Variants in DSG4 observed in about 807,000 individuals in gnomAD.
DSG4 encodes desmoglein 4.
A neutral mutation model predicts 93.1 loss-of-function variants in DSG4; 87 were observed. The observed-to-expected ratio is 0.93, with a 90% confidence interval of 0.79 to 1.12. DSG4 has a LOEUF of 1.12. Among genes scored for constraint, DSG4 ranks in the 50% most tolerant of loss-of-function variants. The pLI, the probability that DSG4 is intolerant of heterozygous loss-of-function variation, is 0.00. For missense variants in DSG4, 1,373 were observed against 1,285.7 expected, an observed-to-expected ratio of 1.07 and a Z score of -1.04; for synonymous variants, 432 against 452.9, an observed-to-expected ratio of 0.95 and a Z score of 0.59.
chr18:31,389,089 T>C, intron 5 of DSG4, 71 bp downstream of exon 5: 1 of 1,553,678 alleles, frequency 6.4e-7, no homozygotes, highest in Non-Finnish European at 8.9e-7. Context: ...TTTAGAGGAC[T>C]GACATACAGG....
intron 5 of DSG4, 124 bp downstream of exon 5, chr18:31,389,142 A>T (rs1056218875): frequency 9.6e-7 from 1 of 1,044,306 alleles, no homozygotes; most frequent in Non-Finnish European, 1.4e-6. Context: ...TTTTGAATAA[A>T]CCCCACATAT....
In DSG4 at chr18:31,403,148, G is replaced by T. The variant is rs115244022; in HGVS notation, c.1418-268G>T. On this transcript the variant is annotated intron_variant, in intron 10 of 15. Transcript: ENST00000308128. ...GAATTAGCAAAATGAAATGAGGGTG[G>T]AAAACATTTTAGGAAGGGTGAAAAG... is the stretch of plus-strand genomic sequence containing the variant. Among the ~76,000 whole-genome samples, 828 of 152,190 alleles carry T rather than the reference G, an allele frequency of 5.4e-3. 4 individuals are homozygous for T. Among genetic ancestry groups the T allele is most frequent in the African/African-American group, 0.019 (789 of 41,530 alleles).
intron 8 of DSG4, among the ~76,000 whole-genome samples, chr18:31,395,832 C>A (rs2072299351): frequency 6.6e-6 from 1 of 152,064 alleles, no homozygotes. Context: ...GAAACCAAGT[C>A]TCTAGCGAAA....
intron 8 of DSG4, among the ~76,000 whole-genome samples, 177 bp from the exon 9 acceptor site, chr18:31,399,095 G>A (rs1319547924): frequency 6.6e-6 from 1 of 152,016 alleles, no homozygotes; most frequent in Non-Finnish European, 1.5e-5. Flanking sequence ...AAGATGAACA[G>A]AAAAACATAT....
At position 31,413,273 on chromosome 18, in the gene DSG4, T is replaced by C. The variant is rs2072517805; in HGVS notation, c.2801T>C (p.Val934Ala). The change falls in exon 16 of 16, where the codon GTA (valine) becomes GCA (alanine). Residue 934 changes from valine (V) to alanine (A), a missense_variant. Transcript: ENST00000308128. Reference sequence around the variant, plus strand: ...GATCCTCAGCTTGCACCCAATGTTGTAGTAACCGAAGCAGTAATGGCACCT... The same window carrying C: ...GATCCTCAGCTTGCACCCAATGTTGCAGTAACCGAAGCAGTAATGGCACCT... ...IFDPQLAPNVVVTEAVMAPVY... is the reference protein window; with the variant it reads ...IFDPQLAPNVAVTEAVMAPVY... The C allele has an allele frequency of 6.2e-7, 1 of 1,614,106 alleles. No individual in the cohort carries two copies. Among genetic ancestry groups the C allele is most frequent in the East Asian group, 2.2e-5 (1 of 44,868 alleles).
At chr18:31,409,193 G>A (rs2072458321) in intron 12 of DSG4, among the ~76,000 whole-genome samples, 1 of 152,108 alleles carries the variant, frequency 6.6e-6, no homozygotes, top group African/African-American at 2.4e-5. Flanking sequence ...TTCCTAATCT[G>A]TCAGCAAAGA....
intron 8 of DSG4, among the ~76,000 whole-genome samples, chr18:31,395,028 G>A (rs188050437): frequency 1.3e-5 from 2 of 152,110 alleles, no homozygotes; most frequent in East Asian, 3.9e-4. Flanking sequence ...CCCAGCACCT[G>A]GTCCAGTGTC....
intron 9 of DSG4, among the ~76,000 whole-genome samples, chr18:31,399,850 C>T (rs2072346115): frequency 6.6e-6 from 1 of 152,078 alleles, no homozygotes. Flanking sequence ...CTACCCTGGA[C>T]CGGGGCTGAT....
intron 1 of DSG4, among the ~76,000 whole-genome samples, chr18:31,383,835 G>C (rs577976784): frequency 6.6e-6 from 1 of 152,250 alleles, no homozygotes; most frequent in African/African-American, 2.4e-5. Context: ...TCAATATTGA[G>C]AAAGAGAGTT....
In DSG4 at chr18:31,413,783, T is replaced by A. The variant is rs184009584; in HGVS notation, c.*188T>A. On this transcript the variant is annotated 3_prime_UTR_variant, in exon 16 of 16. Coordinates refer to ENST00000308128, the MANE Select transcript of DSG4 (RefSeq NM_177986.5). ...GCTAGGCACTTTAGATAAGCCTTTT[T>A]AAAATTCTTTCTGATTTTAAATAAT... The A allele has an allele frequency of 8.4e-4, 618 of 733,530 alleles. 1 individual carries two copies. In the African/African-American group the frequency reaches 0.01, roughly 12 times the overall value. The allele number at this position is 733,530 out of a possible 1,614,324, so 45.4% of individuals were successfully genotyped here.
intron 1 of DSG4, among the ~76,000 whole-genome samples, chr18:31,381,196 C>T (rs1420417082): frequency 1.3e-5 from 2 of 152,146 alleles, no homozygotes; most frequent in African/African-American, 2.4e-5. Context: ...TGTTGATGAG[C>T]AACTTTAACA....
intron 11 of DSG4, among the ~76,000 whole-genome samples, chr18:31,404,194 T>C (rs1242927947): frequency 6.6e-6 from 1 of 152,184 alleles, no homozygotes; most frequent in African/African-American, 2.4e-5. Context: ...GTACATATTA[T>C]TAAGATGTGT....
chr18:31,404,368 T>G (rs991097960), intron 11 of DSG4, among the ~76,000 whole-genome samples: 1 of 152,224 alleles, frequency 6.6e-6, no homozygotes, highest in Non-Finnish European at 1.5e-5. Context: ...AAATTAAGAA[T>G]AAATTTCAGA....
intron 1 of DSG4, among the ~76,000 whole-genome samples, chr18:31,383,682 G>A (rs2072159065): frequency 6.6e-6 from 1 of 152,090 alleles, no homozygotes; most frequent in Non-Finnish European, 1.5e-5. Context: ...ACCTGAACTT[G>A]AGGTATCAAG....
chr18:31,412,804 T>C, intron 15 of DSG4, 24 bp from the exon 16 acceptor site: 1 of 1,613,512 alleles, frequency 6.2e-7, no homozygotes, highest in Non-Finnish European at 8.5e-7. Flanking sequence ...AAATTTCTAA[T>C]TCTGTATTTC....
rs763293506 is a variant in DSG4, at chr18:31,390,786, A to G, written c.648A>G (p.Gly216=). The change falls in exon 6 of 16, where the codon GGA becomes GGG. Residue 216 remains glycine (G), a synonymous_variant. Coordinates refer to ENST00000308128, the MANE Select transcript of DSG4 (RefSeq NM_177986.5). Reference sequence around the variant, plus strand: ...TGTTCATTCTGAATAGGTACACTGGAGAAGTCTGCACCATGTCCAGTTTCT... The same window carrying G: ...TGTTCATTCTGAATAGGTACACTGGGGAAGTCTGCACCATGTCCAGTTTCT... ...APMFILNRYT[G]EVCTMSSFLD... is the part of the protein sequence containing the mutation. 1.2e-5 allele frequency: 19 copies of G among 1,613,746 alleles called. 1 individual carries two copies. The East Asian group carries it at 4.2e-4, about 36-fold the overall frequency.
At chr18:31,392,130 T>C in intron 7 of DSG4, 25 bp from the exon 8 acceptor site, 3 of 1,611,672 alleles carry the variant, frequency 1.9e-6, no homozygotes, top group Non-Finnish European at 2.5e-6. Flanking sequence ...ATTCATTGAC[T>C]ACAAAATTGA....
At chr18:31,410,403 G>C (rs893115051) in intron 14 of DSG4, among the ~76,000 whole-genome samples, 20 of 151,388 alleles carry the variant, frequency 1.3e-4, no homozygotes, top group African/African-American at 4.6e-4. Context: ...ACATGTGTAT[G>C]TGTGTCTATA....
At chr18:31,411,189 A>G (rs373052321) in intron 14 of DSG4, 42 bp from the exon 15 acceptor site, 3 of 1,614,276 alleles carry the variant, frequency 1.9e-6, no homozygotes, top group Non-Finnish European at 2.5e-6. Context: ...TGCGCGCTGC[A>G]GGCAACTCCA....
Sources: gnomAD v4.1 joint callset for allele counts (sites outside exome capture counted in the v4.1 genomes callset) on GRCh38, gnomAD v4.1.1 for gene constraint, MANE v1.5 for transcripts, NCBI Gene and HGNC (gene_info 2026-07-23, HGNC 2026-07-21) for gene names.